FGF12: variants seen among roughly 807,000 people sequenced by gnomAD.
The protein encoded by FGF12 is fibroblast growth factor 12B.
Under a neutral mutation model 23.6 loss-of-function variants are expected in FGF12, and 14 were observed. That is an observed-to-expected ratio of 0.59 (90% CI 0.39 to 0.93). The LOEUF is 0.93. Ranked by LOEUF, FGF12 falls within the 40% of genes least tolerant of loss-of-function variation. FGF12 has a pLI of 0.00. For missense variants in FGF12, 175 were observed against 217.8 expected, an observed-to-expected ratio of 0.80 and a Z score of 1.24; for synonymous variants, 62 against 77.3, an observed-to-expected ratio of 0.80 and a Z score of 1.04.
intron 2 of FGF12, among the ~76,000 whole-genome samples, chr3:192,457,857 C>G (rs1360108743): frequency 2.6e-5 from 4 of 152,212 alleles, no homozygotes; most frequent in Non-Finnish European, 5.9e-5. Context: ...CCCCTCTCAT[C>G]ACAGGCCTGG....
chr3:192,388,966 G>T (rs1720173037), intron 2 of FGF12, among the ~76,000 whole-genome samples: 1 of 151,918 alleles, frequency 6.6e-6, no homozygotes, highest in Admixed American at 6.6e-5. Context: ...CTGAAAAAAA[G>T]AAGCCAAAAA....
intron 2 of FGF12, among the ~76,000 whole-genome samples, chr3:192,519,732 A>G (rs1319999840): frequency 6.6e-6 from 1 of 152,208 alleles, no homozygotes; most frequent in Non-Finnish European, 1.5e-5. Context: ...AGTAATAGGA[A>G]TTCTGTAAGA....
intron 2 of FGF12, among the ~76,000 whole-genome samples, chr3:192,528,132 G>A (rs1724996540): frequency 6.6e-6 from 1 of 152,076 alleles, no homozygotes; most frequent in South Asian, 2.1e-4. Context: ...ACTCATTTCA[G>A]CATTAACTCA....
chr3:192,479,290 G>A (rs1723414086), intron 2 of FGF12, among the ~76,000 whole-genome samples: 1 of 152,140 alleles, frequency 6.6e-6, no homozygotes, highest in Non-Finnish European at 1.5e-5. Flanking sequence ...AGCAGTAGCA[G>A]CTATCTCAAA....
chr3:192,388,822 T>A lies in FGF12; in HGVS notation c.14-28284A>T, dbSNP rs527800131. 4.3e-3 allele frequency among the ~76,000 whole-genome samples: 649 copies of A among 150,954 alleles called. 2 individuals are homozygous for A. Among genetic ancestry groups the A allele is most frequent in the Admixed American group, 6.2e-3 (94 of 15,148 alleles). ...ATATATTTTAAAACATATTCAATTTTAAAAAAAAATGAAACATATGGAAAA... is the reference window on the plus strand; with the variant it reads ...ATATATTTTAAAACATATTCAATTTAAAAAAAAAATGAAACATATGGAAAA... On this transcript the variant is annotated intron_variant, in intron 2 of 5. Coordinates refer to ENST00000445105, the MANE Select transcript of FGF12 (RefSeq NM_004113.6).
intron 4 of FGF12, among the ~76,000 whole-genome samples, chr3:192,218,124 C>T (rs575553335): frequency 9.9e-5 from 15 of 152,254 alleles, no homozygotes; most frequent in South Asian, 8.3e-4. Context: ...TCAGCCACCA[C>T]GCCTGGCCCT....
chr3:192,179,548 G>GA (rs1716050983), intron 4 of FGF12, among the ~76,000 whole-genome samples: 1 of 142,688 alleles, frequency 7.0e-6, no homozygotes. Context: ...CTGTAAGGTT[G>GA]ATTTTTTTTT....
At chr3:192,555,231 C>G (rs934876892) in intron 2 of FGF12, among the ~76,000 whole-genome samples, 1 of 152,076 alleles carries the variant, frequency 6.6e-6, no homozygotes, top group Non-Finnish European at 1.5e-5. Flanking sequence ...AAATCTATAA[C>G]AAGCCACATT....
At chr3:192,603,346 C>CA (rs1490732655) in intron 2 of FGF12, among the ~76,000 whole-genome samples, 1 of 152,072 alleles carries the variant, frequency 6.6e-6, no homozygotes, top group Non-Finnish European at 1.5e-5. Context: ...TTTTAGGATA[C>CA]AAAATCAATG....
Position 192,141,496 on chromosome 3 carries a change from A to G in FGF12, c.*2513T>C, listed in dbSNP as rs985103038. ...TTCTCTGAACTAAACTGGAAATAAG[A>G]CAAAGCTAATTTCCAAAACATTTTA... On this transcript the variant is annotated 3_prime_UTR_variant, in exon 6 of 6. Transcript: ENST00000445105. 3.3e-5 allele frequency: 5 copies of G among 152,030 alleles called. No homozygotes were observed. The highest frequency in any genetic ancestry group is 2.4e-5 in the African/African-American group (1 of 41,448). The allele number at this position is 152,030 out of a possible 1,614,324, so 9.4% of individuals were successfully genotyped here.
intron 2 of FGF12, among the ~76,000 whole-genome samples, chr3:192,505,866 G>A (rs1312755042): frequency 6.6e-6 from 1 of 152,168 alleles, no homozygotes; most frequent in East Asian, 1.9e-4. Flanking sequence ...CTCTGGCGAA[G>A]ACCAGACACA....
Position 192,415,530 on chromosome 3 carries a change from T to C in FGF12, c.14-54992A>G, listed in dbSNP as rs551345955. On this transcript the variant is annotated intron_variant, in intron 2 of 5. Coordinates refer to ENST00000445105, the MANE Select transcript of FGF12 (RefSeq NM_004113.6). ...GGTATCAACTCTTTGTATCAGGAAATAAGCTCAGGTAACTCAAGGGTAGCC... is the reference window on the plus strand; with the variant it reads ...GGTATCAACTCTTTGTATCAGGAAACAAGCTCAGGTAACTCAAGGGTAGCC... Among the ~76,000 whole-genome samples, 40 of 152,114 alleles carry C rather than the reference T, an allele frequency of 2.6e-4. No individual in the cohort carries two copies. The South Asian group carries it at 6.2e-3, about 24-fold the overall frequency.
chr3:192,349,233 T>G (rs184940514), intron 3 of FGF12, among the ~76,000 whole-genome samples: 147 of 152,222 alleles, frequency 9.7e-4, no homozygotes, highest in African/African-American at 3.5e-3. Flanking sequence ...GTAACTTATG[T>G]TGAAGACGGA....
chr3:192,258,438 C>T (rs1291759271), intron 4 of FGF12, among the ~76,000 whole-genome samples: 3 of 152,066 alleles, frequency 2.0e-5, no homozygotes, highest in South Asian at 2.1e-4. Context: ...AGCTGGGTGA[C>T]AGAGTGAGAC....
At chr3:192,472,005 T>G (rs919962942) in intron 2 of FGF12, among the ~76,000 whole-genome samples, 1 of 152,130 alleles carries the variant, frequency 6.6e-6, no homozygotes, top group African/African-American at 2.4e-5. Context: ...TTTCACTTTA[T>G]TAATTTTGTT....
At chr3:192,159,255 G>A (rs1035392291) in intron 5 of FGF12, among the ~76,000 whole-genome samples, 6 of 152,106 alleles carry the variant, frequency 3.9e-5, no homozygotes, top group African/African-American at 1.2e-4. Flanking sequence ...TACTGACCAC[G>A]AGTTACAAAA....
At chr3:192,633,605 T>C (rs1715475724) in intron 2 of FGF12, among the ~76,000 whole-genome samples, 1 of 152,186 alleles carries the variant, frequency 6.6e-6, no homozygotes, top group African/African-American at 2.4e-5. Context: ...AACATTATGC[T>C]GCCCAAGTCA....
chr3:192,146,956 G>T (rs565274885), intron 5 of FGF12, among the ~76,000 whole-genome samples: 2 of 152,280 alleles, frequency 1.3e-5, no homozygotes, highest in African/African-American at 4.8e-5. Context: ...ACTAAATGGA[G>T]TAATAAAATT....
At chr3:192,303,118 A>T (rs990288256) in intron 4 of FGF12, among the ~76,000 whole-genome samples, 5 of 152,240 alleles carry the variant, frequency 3.3e-5, no homozygotes, top group Admixed American at 3.3e-4. Flanking sequence ...TCAATTTTCC[A>T]ATAGAGCTGG....
Sources: allele counts gnomAD v4.1 joint callset (sites outside exome capture counted in the v4.1 genomes callset), GRCh38; gene constraint gnomAD v4.1.1; transcripts MANE v1.5; gene names NCBI Gene and HGNC (gene_info 2026-07-23, HGNC 2026-07-21).